The following NTN1 variants were observed in gnomAD, a reference collection of about 807,000 sequenced individuals.
The protein encoded by NTN1 is netrin 1, also known as netrin-1.
A neutral mutation model predicts 54.2 loss-of-function variants in NTN1; 11 were observed. The observed-to-expected ratio is 0.20, with a 90% CI of 0.13 to 0.34. The LOEUF is 0.34. Among genes scored for constraint, NTN1 ranks in the 10% least tolerant of loss-of-function variants. NTN1 has a pLI of 1.00. For missense variants in NTN1, 740 were observed against 893.1 expected, an observed-to-expected ratio of 0.83 and a Z score of 2.18; for synonymous variants, 371 against 382.0, an observed-to-expected ratio of 0.97 and a Z score of 0.33.
chr17:9,222,187 C>T (rs979777256), intron 6 of NTN1, among the ~76,000 whole-genome samples: 2 of 152,118 alleles, frequency 1.3e-5, no homozygotes, highest in Non-Finnish European at 2.9e-5. Context: ...TGGGGCTGGC[C>T]CCCCAATTCT....
chr17:9,112,122 T>C (rs11078786), intron 2 of NTN1, among the ~76,000 whole-genome samples: 125,810 of 152,208 alleles, frequency 0.83, 52,140 homozygotes, highest in East Asian at 0.99. Flanking sequence ...CTGTGCCCAT[T>C]GATCTGCCCC....
chr17:9,110,300 C>A (rs1046033904), intron 2 of NTN1, among the ~76,000 whole-genome samples: 1 of 150,042 alleles, frequency 6.7e-6, no homozygotes, highest in Non-Finnish European at 1.5e-5. Context: ...GACAGAGTCT[C>A]ACTCTGTCGT....
intron 2 of NTN1, among the ~76,000 whole-genome samples, chr17:9,085,565 C>T (rs2092087442): frequency 6.6e-6 from 1 of 152,152 alleles, no homozygotes; most frequent in African/African-American, 2.4e-5. Context: ...TGCTACTGTG[C>T]CTCAGTTCTT....
intron 2 of NTN1, among the ~76,000 whole-genome samples, chr17:9,024,626 G>A (rs546179909): frequency 9.1e-4 from 139 of 152,318 alleles, no homozygotes; most frequent in Non-Finnish European, 1.0e-3. Flanking sequence ...GACTGTGGAT[G>A]CAGAGTTTTG....
Position 9,111,094 on chromosome 17 carries a change from C to T in NTN1, c.1019-51719C>T, listed in dbSNP as rs183725745. 5.1e-4 allele frequency among the ~76,000 whole-genome samples: 78 copies of T among 152,146 alleles called. 2 individuals carry two copies. Among genetic ancestry groups the T allele is most frequent in the African/African-American group, 1.8e-3 (73 of 41,522 alleles). ...GGAGGATTACCGGCACACGCCACCACGCCTGGCTAATTTTTGTATTTTTAG... is the reference window on the plus strand; with the variant it reads ...GGAGGATTACCGGCACACGCCACCATGCCTGGCTAATTTTTGTATTTTTAG... On this transcript the variant is annotated intron_variant, in intron 2 of 6. Transcript: ENST00000173229.
intron 5 of NTN1, among the ~76,000 whole-genome samples, chr17:9,214,681 G>A (rs1905178770): frequency 1.3e-5 from 2 of 152,180 alleles, no homozygotes; most frequent in Non-Finnish European, 2.9e-5. Context: ...AATTAGCCAG[G>A]CATGGTGGCA....
rs1009266314 is a variant in NTN1 at position 9,211,967 on chromosome 17, T to G, written c.1412-9201T>G. On this transcript the variant is annotated intron_variant, in intron 5 of 6. Transcript: ENST00000173229. The surrounding 1 kb of genome is among the most constrained non-coding windows in gnomAD (Gnocchi z 4.4). ...CATTTTGGGCTTGCTTCTAGACCCT[T>G]ACTTCCATAGGTTGCTAAGCTCCTT... Among the ~76,000 whole-genome samples, 24 of 152,238 alleles carry G rather than the reference T, an allele frequency of 1.6e-4. No homozygotes were observed. Among genetic ancestry groups the G allele is most frequent in the Non-Finnish European group, 3.2e-4 (22 of 68,044 alleles).
intron 2 of NTN1, among the ~76,000 whole-genome samples, chr17:9,113,349 A>C (rs1449370190): frequency 6.6e-6 from 1 of 152,058 alleles, no homozygotes; most frequent in Non-Finnish European, 1.5e-5. Flanking sequence ...AAGCAGAAAT[A>C]CATATAAAAA....
chr17:9,028,566 A>G (rs944954336), intron 2 of NTN1, among the ~76,000 whole-genome samples: 1 of 152,224 alleles, frequency 6.6e-6, no homozygotes, highest in Non-Finnish European at 1.5e-5. Flanking sequence ...TGAGATCCTC[A>G]GAAAACTATT....
intron 2 of NTN1, among the ~76,000 whole-genome samples, chr17:9,112,692 G>A (rs796356282): frequency 1.1e-4 from 16 of 152,002 alleles, no homozygotes; most frequent in African/African-American, 3.9e-4. Context: ...GGGCGTGGTG[G>A]CAGGCGCCTG....
chr17:9,207,108 T>C (rs937992654), intron 5 of NTN1, among the ~76,000 whole-genome samples: 1 of 152,298 alleles, frequency 6.6e-6, no homozygotes, highest in East Asian at 1.9e-4. Context: ...AAATATTTAT[T>C]GAGGGCTTGT....
At chr17:9,115,490 G>A (rs148640581) in intron 2 of NTN1, among the ~76,000 whole-genome samples, 276 of 152,352 alleles carry the variant, frequency 1.8e-3, no homozygotes, top group African/African-American at 6.4e-3. Context: ...CCTCATCCAC[G>A]TGACGTTCCT....
At chr17:9,060,121 G>A (rs578031731) in intron 2 of NTN1, among the ~76,000 whole-genome samples, 10 of 152,230 alleles carry the variant, frequency 6.6e-5, no homozygotes, top group African/African-American at 2.2e-4. Context: ...AGGCTTGAAC[G>A]TTGAGGATCC....
intron 2 of NTN1, among the ~76,000 whole-genome samples, chr17:9,025,647 A>G (rs1029784325): frequency 3.3e-5 from 5 of 152,384 alleles, no homozygotes; most frequent in African/African-American, 1.2e-4. Flanking sequence ...TTGTAGATAT[A>G]GCTGGGAACA....
chr17:9,198,841 T>A (rs1179573312), intron 5 of NTN1, among the ~76,000 whole-genome samples: 2 of 152,150 alleles, frequency 1.3e-5, no homozygotes, highest in African/African-American at 4.8e-5. Flanking sequence ...CCAGAGAGAC[T>A]TCCAAAACAG....
chr17:9,220,906 G>A (rs114620079), intron 5 of NTN1, among the ~76,000 whole-genome samples: 1,546 of 149,716 alleles, frequency 0.01, 22 homozygotes, highest in African/African-American at 0.027. Flanking sequence ...AGACTCTCAC[G>A]GAGGCCAGGG....
At chr17:9,065,183 T>C (rs9910696) in intron 2 of NTN1, among the ~76,000 whole-genome samples, 25,818 of 152,068 alleles carry the variant, frequency 0.17, 2,458 homozygotes, top group African/African-American at 0.23. Context: ...GTGATCTGCC[T>C]GCCTCCACCT....
At chr17:9,207,969 C>T (rs905239797) in intron 5 of NTN1, among the ~76,000 whole-genome samples, 1 of 152,214 alleles carries the variant, frequency 6.6e-6, no homozygotes, top group Non-Finnish European at 1.5e-5. Flanking sequence ...TGCAGTGGCT[C>T]ACGCCTGTAA....
In NTN1 at chr17:9,068,512, ATT is replaced by A. The variant is rs34047213; in HGVS notation, c.1018+45135_1018+45136del. On this transcript the variant is annotated intron_variant, in intron 2 of 6. Coordinates refer to ENST00000173229, the MANE Select transcript of NTN1 (RefSeq NM_004822.3). ...ATTATGTGTGTGTGTGTATGTGTGA[ATT>A]TTTTTTTTTTTTTGAGATGGAGTTT... Among the ~76,000 whole-genome samples the A allele has an allele frequency of 5.7e-5, 8 of 141,172 alleles. 1 individual carries two copies. The South Asian group carries it at 6.9e-4, about 12-fold the overall frequency. The allele number at this position is 141,172 out of a possible 152,430, so 92.6% of individuals were successfully genotyped here. A position where few individuals can be genotyped will look rare whatever the true frequency, so the allele number is the denominator to read the frequency against.
Sources: gnomAD v4.1 joint callset for allele counts (sites outside exome capture counted in the v4.1 genomes callset) on GRCh38, gnomAD v4.1.1 for gene constraint, Gnocchi (gnomAD v3.1) non-coding constraint, MANE v1.5 for transcripts, NCBI Gene and HGNC (gene_info 2026-07-23, HGNC 2026-07-21) for gene names.